The following LRBA variants were observed in gnomAD, a reference collection of about 807,000 sequenced individuals.
LRBA encodes the protein LPS responsive beige-like anchor protein, also known as lipopolysaccharide-responsive and beige-like anchor protein.
A neutral mutation model predicts 330.0 loss-of-function variants in LRBA; 176 were observed. The observed-to-expected ratio is 0.53, with a 90% CI of 0.47 to 0.60. The LOEUF (loss-of-function observed/expected upper bound fraction) is 0.60. LRBA is among the 20% of genes least tolerant of loss of function. The pLI is 0.00. For synonymous variants in LRBA, 1,230 were observed against 1,193.0 expected (o/e 1.03, Z -0.64); for missense variants, 3,259 against 3,444.8 (o/e 0.95, Z 1.35).
At chr4:150,631,016 T>C (rs1454849836) in intron 37 of LRBA, among the ~76,000 whole-genome samples, 1 of 152,082 alleles carries the variant, frequency 6.6e-6, no homozygotes, top group African/African-American at 2.4e-5. Flanking sequence ...TGTAAAAACA[T>C]TAAAATATTA....
rs1313310105 is a variant in LRBA at position 150,837,161 on chromosome 4, G to A, written c.4570-5185C>T. Among the ~76,000 whole-genome samples the A allele has an allele frequency of 2.0e-5, 3 of 152,092 alleles. No homozygotes were observed. The South Asian group carries it at 6.2e-4, about 32-fold the overall frequency. On this transcript the variant is annotated intron_variant, in intron 28 of 56. Transcript: ENST00000651943. ...TTGATTGCACTGTGGTCGGAGAGAT[G>A]GTTTGTTATAATTTCTGTTCTTTTA...
At chr4:150,941,071 G>A (rs1735619115) in intron 2 of LRBA, among the ~76,000 whole-genome samples, 1 of 151,984 alleles carries the variant, frequency 6.6e-6, no homozygotes, top group Non-Finnish European at 1.5e-5. Context: ...TTATCTGAGA[G>A]ACTCTCGTGC....
intron 8 of LRBA, 131 bp from the exon 9 acceptor site, chr4:150,914,472 T>C (rs145354665): frequency 2.7e-4 from 148 of 552,186 alleles, no homozygotes; most frequent in African/African-American, 2.4e-3. Flanking sequence ...ATTTATACCA[T>C]AAAACCATTA....
chr4:150,267,048 G>C (rs1186717515), intron 56 of LRBA, among the ~76,000 whole-genome samples: 4 of 151,848 alleles, frequency 2.6e-5, no homozygotes, highest in African/African-American at 9.7e-5. Context: ...AAGATACAAA[G>C]AGCAAATATT....
At chr4:150,475,730 A>AT (rs1332419248) in intron 42 of LRBA, among the ~76,000 whole-genome samples, 3 of 149,802 alleles carry the variant, frequency 2.0e-5, no homozygotes, top group Non-Finnish European at 4.4e-5. Flanking sequence ...CCCTATCTCT[A>AT]TAAAAAAAAA....
At chr4:150,995,531 A>G (rs1382455560) in intron 2 of LRBA, among the ~76,000 whole-genome samples, 1 of 152,090 alleles carries the variant, frequency 6.6e-6, no homozygotes, top group Non-Finnish European at 1.5e-5. Context: ...TGAAAAAATC[A>G]AACAATTGTA....
At chr4:150,515,995 TGA>T (rs1762293417) in intron 40 of LRBA, among the ~76,000 whole-genome samples, 1 of 151,972 alleles carries the variant, frequency 6.6e-6, no homozygotes, top group African/African-American at 2.4e-5. Context: ...AATATGTATA[TGA>T]GTTTTATAAA....
At chr4:150,948,060 C>T (rs183596777) in intron 2 of LRBA, among the ~76,000 whole-genome samples, 1 of 152,140 alleles carries the variant, frequency 6.6e-6, no homozygotes, top group African/African-American at 2.4e-5. Flanking sequence ...TCCTCCAAAA[C>T]TGATATATAG....
intron 47 of LRBA, among the ~76,000 whole-genome samples, chr4:150,403,661 A>G (rs76757285): frequency 0.058 from 8,797 of 151,992 alleles, 325 homozygotes; most frequent in Non-Finnish European, 0.085. Context: ...CTTTTTCCTG[A>G]AGTCAGTGCA....
chr4:150,374,988 T>G (rs1741025471), intron 47 of LRBA, among the ~76,000 whole-genome samples: 1 of 152,150 alleles, frequency 6.6e-6, no homozygotes, highest in Non-Finnish European at 1.5e-5. Context: ...AAGGTTCTAT[T>G]CACAAAAAGC....
Position 150,928,541 on chromosome 4 carries a change from T to C in LRBA, c.524A>G (p.Lys175Arg). 1 of 1,613,800 alleles carries C rather than the reference T, an allele frequency of 6.2e-7. No homozygotes were observed. The highest frequency in any genetic ancestry group is 8.5e-7 in the Non-Finnish European group (1 of 1,179,826). The stretch of plus-strand genomic sequence containing the variant: ...CCATCGTCCTTTATCTCCTTGAAGT[T>C]TACTGAAGAAAAGCTTTAGCTCGCG... The part of the protein sequence containing the change: ...TVRELKLFFS[K>R]LQGDKGRWPP... Residue 175 changes from lysine (K) to arginine (R), a missense_variant, in exon 4 of 57, where the codon AAA (lysine) becomes AGA (arginine). Lys to Arg is a conservative substitution (Grantham distance 26, BLOSUM62 2). Transcript: ENST00000651943.
rs60145657 is a variant in LRBA, at chr4:150,697,325, G to GAAAAAAAAAAAAAAAA, written c.5755-13624_5755-13609dup. 5.3e-4 allele frequency among the ~76,000 whole-genome samples: 15 copies of GAAAAAAAAAAAAAAAA among 28,054 alleles called. 6 individuals carry two copies. The highest frequency in any genetic ancestry group is 6.8e-4 in the Non-Finnish European group (11 of 16,064). The allele number at this position is 28,054 out of a possible 152,430, so 18.4% of individuals were successfully genotyped here. A position where few individuals can be genotyped will look rare whatever the true frequency, so the allele number is the denominator to read the frequency against. ...GGTGACAGAGTGAGACTTTGTCTCA[G>GAAAAAAAAAAAAAAAA]AAAAAAAAAAAAAAAAAAAAAAAAA... On this transcript the variant is annotated intron_variant, in intron 36 of 56. Coordinates refer to ENST00000651943, the MANE Select transcript of LRBA (RefSeq NM_001364905.1).
intron 2 of LRBA, among the ~76,000 whole-genome samples, chr4:150,998,631 AG>A (rs1257398735): frequency 6.6e-6 from 1 of 152,142 alleles, no homozygotes; most frequent in Non-Finnish European, 1.5e-5. Context: ...TCGGGACTAT[AG>A]GCATGAGCAA....
intron 47 of LRBA, among the ~76,000 whole-genome samples, chr4:150,379,645 C>T (rs529001947): frequency 2.6e-4 from 39 of 152,248 alleles, no homozygotes; most frequent in African/African-American, 8.7e-4. Context: ...ATCATCATTA[C>T]AGGAAATAAC....
At chr4:150,510,456 C>A (rs1003858519) in intron 40 of LRBA, among the ~76,000 whole-genome samples, 4 of 152,178 alleles carry the variant, frequency 2.6e-5, no homozygotes, top group Non-Finnish European at 5.9e-5. Context: ...TGTAAAATTT[C>A]TCTGTCTTGA....
intron 56 of LRBA, among the ~76,000 whole-genome samples, chr4:150,269,733 G>C (rs1209911931): frequency 6.6e-6 from 1 of 152,104 alleles, no homozygotes; most frequent in Non-Finnish European, 1.5e-5. Context: ...TTGTTTGTTT[G>C]AGCCCAGGAG....
chr4:150,722,855 C>T (rs567804299), intron 36 of LRBA, among the ~76,000 whole-genome samples: 18 of 152,136 alleles, frequency 1.2e-4, no homozygotes, highest in African/African-American at 3.6e-4. Flanking sequence ...TCTGCCCCAT[C>T]GCCCAGCAGT....
chr4:150,666,293 G>A (rs911449174), intron 37 of LRBA, among the ~76,000 whole-genome samples: 1 of 152,156 alleles, frequency 6.6e-6, no homozygotes, highest in Non-Finnish European at 1.5e-5. Flanking sequence ...AGCACTTTGG[G>A]AGGCTGAGGC....
chr4:150,533,195 A>G (rs1764236649), intron 40 of LRBA, among the ~76,000 whole-genome samples: 1 of 151,868 alleles, frequency 6.6e-6, no homozygotes, highest in Admixed American at 6.6e-5. Flanking sequence ...TTGTTTTTTA[A>G]TTTTTTTGAG....
Sources: allele counts gnomAD v4.1 joint callset (sites outside exome capture counted in the v4.1 genomes callset), GRCh38; gene constraint gnomAD v4.1.1; transcripts MANE v1.5; gene names NCBI Gene and HGNC (gene_info 2026-07-23, HGNC 2026-07-21).